Variants in CAST observed in about 807,000 individuals in gnomAD.
The protein encoded by CAST is calpastatin.
In CAST, 76 loss-of-function variants were observed where a neutral mutation model predicts 119.6. The ratio of observed to expected loss-of-function variants is 0.64; its 90% confidence interval spans 0.53 to 0.77. CAST has a LOEUF of 0.77. Ranked by LOEUF, CAST falls within the 30% of genes least tolerant of loss-of-function variation. The pLI, the probability that CAST is intolerant of heterozygous loss-of-function variation, is 0.00. For missense variants in CAST, 953 were observed against 946.5 expected, an observed-to-expected ratio of 1.01 and a Z score of -0.09; for synonymous variants, 319 against 331.6, an observed-to-expected ratio of 0.96 and a Z score of 0.41.
intron 1 of CAST, among the ~76,000 whole-genome samples, chr5:96,544,232 T>C (rs1358596625): frequency 6.6e-6 from 1 of 152,218 alleles, no homozygotes; most frequent in Non-Finnish European, 1.5e-5. Context: ...TTCTTTGTTG[T>C]TTTCTATTAT....
At chr5:96,200,112 C>T in the CAST span, among the ~76,000 whole-genome samples, 1 of 152,204 alleles carries the variant, frequency 6.6e-6, no homozygotes, top group African/African-American at 2.4e-5. Flanking sequence ...CAGAGGTAAC[C>T]CTGCAGTAAC....
At chr5:96,577,587 T>C (rs1580832191) in intron 1 of CAST, among the ~76,000 whole-genome samples, 1 of 152,108 alleles carries the variant, frequency 6.6e-6, no homozygotes, top group Non-Finnish European at 1.5e-5. Flanking sequence ...GTATTTTCAT[T>C]TTCATTCAGT....
chr5:96,252,182 A>G, the CAST span, among the ~76,000 whole-genome samples: 1 of 152,110 alleles, frequency 6.6e-6, no homozygotes, highest in East Asian at 1.9e-4. Flanking sequence ...TATGATCCAA[A>G]ATACAATTAC....
intron 1 of CAST, among the ~76,000 whole-genome samples, chr5:96,599,630 T>A (rs1325316493): frequency 6.6e-6 from 1 of 152,116 alleles, no homozygotes; most frequent in Non-Finnish European, 1.5e-5. Context: ...CACACTCTGG[T>A]AACTTTAAGT....
At chr5:96,369,822 A>G in the CAST span, among the ~76,000 whole-genome samples, 1 of 152,008 alleles carries the variant, frequency 6.6e-6, no homozygotes, top group African/African-American at 2.4e-5. Flanking sequence ...TCACTGCATG[A>G]CCCACTATAT....
At chr5:96,174,273 C>T in the CAST span, among the ~76,000 whole-genome samples, 1 of 152,172 alleles carries the variant, frequency 6.6e-6, no homozygotes, top group Non-Finnish European at 1.5e-5. Context: ...TAAGGGAATT[C>T]CAGTTCTGAT....
chr5:96,090,197 C>A, the CAST span, among the ~76,000 whole-genome samples: 1 of 152,138 alleles, frequency 6.6e-6, no homozygotes, highest in Non-Finnish European at 1.5e-5. Context: ...TGGTGGGATA[C>A]GGGTCTCTAG....
At chr5:96,156,161 T>A in the CAST span, among the ~76,000 whole-genome samples, 1 of 152,216 alleles carries the variant, frequency 6.6e-6, no homozygotes, top group Non-Finnish European at 1.5e-5. Context: ...ACTTTCCAAC[T>A]TTGGAATCAC....
the CAST span, among the ~76,000 whole-genome samples, chr5:96,222,594 T>C: frequency 6.6e-6 from 1 of 151,954 alleles, no homozygotes; most frequent in African/African-American, 2.4e-5. Flanking sequence ...TGACTATTAT[T>C]AAAATGATAA....
chr5:96,599,580 G>C (rs1201722900), intron 1 of CAST, among the ~76,000 whole-genome samples: 2 of 152,002 alleles, frequency 1.3e-5, no homozygotes, highest in Non-Finnish European at 2.9e-5. Context: ...AGGCCATCAT[G>C]AATGCCACTA....
chr5:96,038,506 T>A, the CAST span, among the ~76,000 whole-genome samples: 5 of 152,028 alleles, frequency 3.3e-5, no homozygotes, highest in African/African-American at 1.2e-4. Context: ...TTTCTCCTAA[T>A]GTTATCCCTC....
chr5:96,118,792 T>C, the CAST span, among the ~76,000 whole-genome samples: 2 of 152,050 alleles, frequency 1.3e-5, no homozygotes, highest in Non-Finnish European at 2.9e-5. Context: ...TGTGGCTTTT[T>C]CCCCTGAGGT....
the CAST span, among the ~76,000 whole-genome samples, chr5:96,373,014 A>AT: frequency 2.4e-4 from 36 of 151,264 alleles, no homozygotes; most frequent in South Asian, 8.4e-4. Context: ...TGATTCTCCA[A>AT]TTTTTTTTTG....
chr5:96,537,558 G>C (rs1745842263), intron 1 of CAST, among the ~76,000 whole-genome samples: 1 of 151,246 alleles, frequency 6.6e-6, no homozygotes, highest in African/African-American at 2.4e-5. Context: ...CACAGGAAGA[G>C]AAAAAAAAAA....
rs529454897 is a variant in CAST, at chr5:96,634,546, A to G, written c.61-40993A>G. ...TAGGGGACCAGAGAATTGGAGCTTC[A>G]GAGGACAGGAGCAGCCTCATTTCCT... On this transcript the variant is annotated intron_variant, in intron 1 of 11. Transcript: ENST00000505143. Among the ~76,000 whole-genome samples, 8 of 152,336 alleles carry G rather than the reference A, an allele frequency of 5.3e-5. No homozygotes were observed. In the South Asian group the frequency reaches 1.7e-3, roughly 32 times the overall value.
chr5:96,496,504 A>C, the CAST span, among the ~76,000 whole-genome samples: 1 of 152,256 alleles, frequency 6.6e-6, no homozygotes. Context: ...GGATAGGCTT[A>C]GACTCAAAAC....
At chr5:96,304,757 T>C in the CAST span, among the ~76,000 whole-genome samples, 1 of 152,220 alleles carries the variant, frequency 6.6e-6, no homozygotes. Flanking sequence ...ATCAGATGGT[T>C]GTAGACGTGT....
chr5:96,364,195 G>A, the CAST span, among the ~76,000 whole-genome samples: 2 of 152,310 alleles, frequency 1.3e-5, no homozygotes, highest in Admixed American at 6.5e-5. Context: ...ACTTGATCAT[G>A]GTGAATAAGC....
At chr5:96,743,809 G>A in intron 16 of CAST, 1 of 1,067,754 alleles carries the variant, frequency 9.4e-7, no homozygotes, top group South Asian at 1.5e-5. Flanking sequence ...ATTACTTAGA[G>A]TAGCCGACAG....
Sources: allele counts gnomAD v4.1 joint callset (sites outside exome capture counted in the v4.1 genomes callset), GRCh38; gene constraint gnomAD v4.1.1; transcripts MANE v1.5; gene names NCBI Gene and HGNC (gene_info 2026-07-23, HGNC 2026-07-21).